GOLGA8A: variants seen among roughly 807,000 people sequenced by gnomAD.
GOLGA8A encodes golgin subfamily A member 8A.
A neutral mutation model predicts 22.1 loss-of-function variants in GOLGA8A; 3 were observed. The observed-to-expected ratio is 0.14, with a 90% CI of 0.06 to 0.35. The LOEUF (loss-of-function observed/expected upper bound fraction) is 0.35. Ranked by LOEUF, GOLGA8A falls within the 10% of genes least tolerant of loss-of-function variation. GOLGA8A has a pLI of 1.00. For synonymous variants in GOLGA8A, 7 were observed against 91.7 expected (o/e 0.08, Z 5.28); for missense variants, 16 against 233.2 (o/e 0.07, Z 6.07).
At chr15:34,420,720 C>T (rs533965468) in intron 2 of GOLGA8A, among the ~76,000 whole-genome samples, 36 of 126,624 alleles carry the variant, frequency 2.8e-4, no homozygotes, top group African/African-American at 8.7e-4. Context: ...TGAGGAAAGG[C>T]AGACTTCATG....
At chr15:34,436,044 G>A (rs1187525921) in intron 1 of GOLGA8A, among the ~76,000 whole-genome samples, 1 of 148,774 alleles carries the variant, frequency 6.7e-6, no homozygotes, top group African/African-American at 2.5e-5. Context: ...CAGAGTGCAG[G>A]GCATCCTGGA....
chr15:34,400,801 A>G (rs1892032251), intron 5 of GOLGA8A, 42 bp from the exon 6 acceptor site: 1 of 144,892 alleles, frequency 6.9e-6, no homozygotes. Flanking sequence ...CATTAGGGTC[A>G]TATCAAGAAA....
chr15:34,426,838 G>A (rs1893004263), intron 2 of GOLGA8A, among the ~76,000 whole-genome samples: 1 of 143,440 alleles, frequency 7.0e-6, no homozygotes, highest in African/African-American at 2.5e-5. Flanking sequence ...GAGCCCAGGA[G>A]TTCAAGTCCA....
At chr15:34,431,838 TACC>T (rs754833775) in intron 2 of GOLGA8A, among the ~76,000 whole-genome samples, 6 of 148,846 alleles carry the variant, frequency 4.0e-5, no homozygotes, top group East Asian at 3.9e-4. Context: ...ACTACAACTT[TACC>T]ACAATGTCAC....
intron 2 of GOLGA8A, chr15:34,417,951 C>G (rs1396639181): frequency 7.2e-6 from 1 of 139,136 alleles, no homozygotes; most frequent in East Asian, 2.3e-4. Context: ...CTACAACACA[C>G]AGGAGAACCC....
chr15:34,431,568 G>A (rs1893255380), intron 2 of GOLGA8A, among the ~76,000 whole-genome samples: 1 of 147,090 alleles, frequency 6.8e-6, no homozygotes, highest in Admixed American at 6.9e-5. Flanking sequence ...GCAAAGCTAG[G>A]CAGCATGTTA....
In GOLGA8A at chr15:34,430,793, C is replaced by A. The variant is rs562885736; in HGVS notation, c.-1123+4590G>T. Reference sequence around the variant, plus strand: ...GTGAGGAATGGGACACAGACCTCCACGTGCCCTTCTCGGGATGAGTCAAGA... The same window carrying A: ...GTGAGGAATGGGACACAGACCTCCAAGTGCCCTTCTCGGGATGAGTCAAGA... On this transcript the variant is annotated intron_variant, in intron 2 of 24. Transcript: ENST00000359187. Among the ~76,000 whole-genome samples, 4 of 149,900 alleles carry A rather than the reference C, an allele frequency of 2.7e-5. No individual in the cohort carries two copies. In the South Asian group the frequency reaches 6.4e-4, roughly 24 times the overall value.
chr15:34,379,150 G>T lies in GOLGA8A; in HGVS notation c.*2261C>A, dbSNP rs1821688278. On this transcript the variant is annotated 3_prime_UTR_variant, in exon 25 of 25. Coordinates refer to ENST00000359187, the MANE Select transcript of GOLGA8A (RefSeq NM_181077.5). Reference sequence around the variant, plus strand: ...TGCCACTTTAAGCAAAAGTCTTTCAGTATTTCCGTTACACATTCTGTTAAC... The same window carrying T: ...TGCCACTTTAAGCAAAAGTCTTTCATTATTTCCGTTACACATTCTGTTAAC... 2 of 152,556 alleles carry T rather than the reference G, an allele frequency of 1.3e-5. No individual in the cohort carries two copies. The highest frequency in any genetic ancestry group is 1.3e-4 in the Admixed American group (2 of 15,268). The allele number at this position is 152,556 out of a possible 1,614,324, so 9.5% of individuals were successfully genotyped here. A position where few individuals can be genotyped will look rare whatever the true frequency, so the allele number is the denominator to read the frequency against.
chr15:34,430,028 C>A lies in GOLGA8A; in HGVS notation c.-1123+5355G>T, dbSNP rs369248926. ...CCCCACGGCAGCTCCCCAAATGAAA[C>A]CAAGACAAGTTGGAGATGAGGCTGC... On this transcript the variant is annotated intron_variant, in intron 2 of 24. Transcript: ENST00000359187. Among the ~76,000 whole-genome samples the A allele has an allele frequency of 4.8e-5, 7 of 146,618 alleles. 1 individual carries two copies. Among genetic ancestry groups the A allele is most frequent in the Non-Finnish European group, 9.0e-5 (6 of 66,340 alleles).
chr15:34,431,586 G>C (rs140491419), intron 2 of GOLGA8A, among the ~76,000 whole-genome samples: 8,637 of 146,712 alleles, frequency 0.059, 1,005 homozygotes, highest in Admixed American at 0.15. Context: ...TTACTGTGCT[G>C]AATGTGTGTA....
intron 1 of GOLGA8A, among the ~76,000 whole-genome samples, chr15:34,436,917 G>A (rs1262194273): frequency 1.3e-5 from 2 of 149,666 alleles, no homozygotes; most frequent in Non-Finnish European, 3.0e-5. Context: ...GAAGATCCGG[G>A]CTCGAGTTCT....
intron 2 of GOLGA8A, among the ~76,000 whole-genome samples, chr15:34,427,711 G>C (rs572649926): frequency 1.3e-5 from 2 of 148,584 alleles, no homozygotes; most frequent in South Asian, 4.4e-4. Context: ...AACTGGGGGA[G>C]GGCTTGGTTT....
intron 12 of GOLGA8A, 151 bp from the exon 13 acceptor site, chr15:34,385,929 CAG>C: frequency 2.1e-6 from 1 of 486,372 alleles, no homozygotes; most frequent in African/African-American, 2.9e-5. Flanking sequence ...CTCCCAAGGA[CAG>C]AGGATTTGGG....
In GOLGA8A at chr15:34,437,436, CTCG is replaced by C. The variant is rs1755142707; in HGVS notation, c.-1253_-1251del. ...GGGGCTGCCCCGGTCCGCCGCCGTC[CTCG>C]CCGCGCCGCCGTCCTCGCCGCGCCG... On this transcript the variant is annotated 5_prime_UTR_variant, in exon 1 of 25. Transcript: ENST00000359187. The C allele has an allele frequency of 7.2e-6, 1 of 139,334 alleles. No homozygotes were observed. The highest frequency in any genetic ancestry group is 2.6e-5 in the African/African-American group (1 of 38,322). The allele number at this position is 139,334 out of a possible 1,614,324, so 8.6% of individuals were successfully genotyped here. A position where few individuals can be genotyped will look rare whatever the true frequency, so the allele number is the denominator to read the frequency against.
chr15:34,436,954 C>T (rs1893549787), intron 1 of GOLGA8A, among the ~76,000 whole-genome samples: 1 of 149,630 alleles, frequency 6.7e-6, no homozygotes, highest in African/African-American at 2.5e-5. Context: ...CAGAGGCGAT[C>T]CCAAACTCAG....
Position 34,432,683 on chromosome 15 carries a change from T to C in GOLGA8A, c.-1123+2700A>G, listed in dbSNP as rs1893311963. On this transcript the variant is annotated intron_variant, in intron 2 of 24. Coordinates refer to ENST00000359187, the MANE Select transcript of GOLGA8A (RefSeq NM_181077.5). ...GTTTCCAGACAACTAGAGATGAAAA[T>C]ATTTTCACAGTCACTCAACGCAGGT... Among the ~76,000 whole-genome samples the C allele has an allele frequency of 2.0e-5, 3 of 148,886 alleles. No homozygotes were observed. In the South Asian group the frequency reaches 6.5e-4, roughly 32 times the overall value.
At position 34,426,558 on chromosome 15, in the gene GOLGA8A, T is replaced by C. The variant is rs113573777; in HGVS notation, c.-1123+8825A>G. ...GTTCTAATCTTTATAATTAGTACAT[T>C]TGAATTTCATAATCAGAAACAGATA... On this transcript the variant is annotated intron_variant, in intron 2 of 24. Coordinates refer to ENST00000359187, the MANE Select transcript of GOLGA8A (RefSeq NM_181077.5). 9.9e-4 allele frequency among the ~76,000 whole-genome samples: 145 copies of C among 146,144 alleles called. 11 individuals carry two copies. Among genetic ancestry groups the C allele is most frequent in the Middle Eastern group, 3.5e-3 (1 of 286 alleles).
intron 2 of GOLGA8A, among the ~76,000 whole-genome samples, chr15:34,428,225 C>G (rs1893068973): frequency 6.8e-6 from 1 of 147,660 alleles, no homozygotes; most frequent in African/African-American, 2.5e-5. Context: ...TCCCAAGTAG[C>G]TAGGACCACA....
At chr15:34,431,316 T>TATATATATATATAC (rs1267583921) in intron 2 of GOLGA8A, among the ~76,000 whole-genome samples, 4 of 11,540 alleles carry the variant, frequency 3.5e-4, no homozygotes, top group African/African-American at 9.4e-4. Context: ...TATATACATA[T>TATATATATATATAC]ATATATATAT....
Sources: gnomAD v4.1 joint callset for allele counts (sites outside exome capture counted in the v4.1 genomes callset) on GRCh38, gnomAD v4.1.1 for gene constraint, MANE v1.5 for transcripts, NCBI Gene and HGNC (gene_info 2026-07-23, HGNC 2026-07-21) for gene names.